CDH11: variants seen among roughly 807,000 people sequenced by gnomAD.
The protein encoded by CDH11 is cadherin-11.
A neutral mutation model predicts 67.8 loss-of-function variants in CDH11; 11 were observed. The observed-to-expected ratio is 0.16, with a 90% CI of 0.10 to 0.27. The LOEUF is 0.27. Ranked by LOEUF, CDH11 falls within the 10% of genes least tolerant of loss-of-function variation. The pLI is 1.00. For synonymous variants in CDH11, 419 were observed against 400.0 expected (o/e 1.05, Z -0.57); for missense variants, 847 against 1,031.2 (o/e 0.82, Z 2.45).
Position 65,103,959 on chromosome 16 carries a change from A to G in CDH11, c.-298+17921T>C, listed in dbSNP as rs867800488. Among the ~76,000 whole-genome samples, 3 of 152,254 alleles carry G rather than the reference A, an allele frequency of 2.0e-5. No homozygotes were observed. The South Asian group carries it at 6.2e-4, about 32-fold the overall frequency. On this transcript the variant is annotated intron_variant, in intron 1 of 12. Transcript: ENST00000268603. ...TTCCCTATTTCCCTTTTACTTTTTT[A>G]ATTTGACTGCTAGAACATTTTAAAC...
In CDH11 at chr16:64,952,599, A is replaced by C. The variant is rs541302043; in HGVS notation, c.1643-1581T>G. On this transcript the variant is annotated intron_variant, in intron 11 of 12. Coordinates refer to ENST00000268603, the MANE Select transcript of CDH11 (RefSeq NM_001797.4). Reference sequence around the variant, plus strand: ...TATTTTCTAGTGGGAAAGCATTGGTATTATAAAACAGTAGAAATTTTTAAT... The same window carrying C: ...TATTTTCTAGTGGGAAAGCATTGGTCTTATAAAACAGTAGAAATTTTTAAT... Among the ~76,000 whole-genome samples, 14 of 152,310 alleles carry C rather than the reference A, an allele frequency of 9.2e-5. No homozygotes were observed. The South Asian group carries it at 1.7e-3, about 18-fold the overall frequency.
At chr16:65,071,626 A>T (rs2074418589) in intron 1 of CDH11, among the ~76,000 whole-genome samples, 1 of 152,168 alleles carries the variant, frequency 6.6e-6, no homozygotes, top group South Asian at 2.1e-4. Context: ...GTCCCCAGAC[A>T]CCACAATCTG....
At chr16:65,078,756 G>A (rs8054252) in intron 1 of CDH11, among the ~76,000 whole-genome samples, 137,499 of 152,114 alleles carry the variant, frequency 0.9, 62,186 homozygotes, top group East Asian at 1. Flanking sequence ...TCCTGGAATC[G>A]GGAACCTAGA....
At chr16:65,085,812 C>G (rs560210238) in intron 1 of CDH11, among the ~76,000 whole-genome samples, 1 of 152,334 alleles carries the variant, frequency 6.6e-6, no homozygotes, top group South Asian at 2.1e-4. Context: ...CAGCAAAGCA[C>G]TTTCATTCAT....
Position 64,943,971 on chromosome 16 carries a change from A to AC in CDH11, c.*3631dup. ...TCATCGATACAAAATAACAAGGGTG[A>AC]CCTGCTTTCCATGGAAAAGGAACGT... On this transcript the variant is annotated 3_prime_UTR_variant, in exon 13 of 13. Coordinates refer to ENST00000268603, the MANE Select transcript of CDH11 (RefSeq NM_001797.4). 1 of 231,790 alleles carries AC rather than the reference A, an allele frequency of 4.3e-6. No individual in the cohort carries two copies. Among genetic ancestry groups the AC allele is most frequent in the East Asian group, 6.1e-5 (1 of 16,428 alleles). The allele number at this position is 231,790 out of a possible 1,614,324, so 14.4% of individuals were successfully genotyped here. A position where few individuals can be genotyped will look rare whatever the true frequency, so the allele number is the denominator to read the frequency against.
At chr16:64,997,751 C>T (rs984395450) in intron 4 of CDH11, among the ~76,000 whole-genome samples, 6 of 152,150 alleles carry the variant, frequency 3.9e-5, no homozygotes, top group Admixed American at 2.0e-4. Context: ...AGGATCTTAG[C>T]GTTCTAGAGT....
In CDH11 at chr16:65,023,115, G is replaced by C. The variant is rs936459298; in HGVS notation, c.-172-18074C>G. ...CCTGAGAGAAGGGGCAACAACAGGG[G>C]TTATAAAGGACTTGGCCAGCCAGGT... On this transcript the variant is annotated intron_variant, in intron 2 of 12. Coordinates refer to ENST00000268603, the MANE Select transcript of CDH11 (RefSeq NM_001797.4). Among the ~76,000 whole-genome samples the C allele has an allele frequency of 4.6e-5, 7 of 152,286 alleles. No homozygotes were observed. The East Asian group carries it at 1.4e-3, about 29-fold the overall frequency.
At chr16:65,107,208 C>T in intron 1 of CDH11, among the ~76,000 whole-genome samples, 1 of 152,172 alleles carries the variant, frequency 6.6e-6, no homozygotes, top group East Asian at 1.9e-4. Flanking sequence ...CAAAGCCCTG[C>T]TCATCCACTT....
At position 64,973,503 on chromosome 16, in the gene CDH11, G is replaced by T. The variant is rs542981373; in HGVS notation, c.1254-463C>A. On this transcript the variant is annotated intron_variant, in intron 8 of 12. Coordinates refer to ENST00000268603, the MANE Select transcript of CDH11 (RefSeq NM_001797.4). ...CATGTATAGACCTAAAAATCAGTTT[G>T]TCTTATTTAAAGAAAAATGCAGCCT... 2.0e-5 allele frequency among the ~76,000 whole-genome samples: 3 copies of T among 152,208 alleles called. No homozygotes were observed. In the South Asian group the frequency reaches 6.2e-4, roughly 32 times the overall value.
chr16:65,009,378 A>C (rs2073129824), intron 2 of CDH11, among the ~76,000 whole-genome samples: 1 of 152,234 alleles, frequency 6.6e-6, no homozygotes, highest in African/African-American at 2.4e-5. Context: ...CATATGACAC[A>C]AAATTTGATC....
chr16:65,047,499 G>C (rs544948791), intron 2 of CDH11, among the ~76,000 whole-genome samples: 2 of 151,670 alleles, frequency 1.3e-5, no homozygotes, highest in African/African-American at 2.4e-5. Context: ...CTACAGGCAC[G>C]CACCACCATG....
At chr16:65,056,922 G>C (rs1424028476) in intron 1 of CDH11, among the ~76,000 whole-genome samples, 1 of 152,058 alleles carries the variant, frequency 6.6e-6, no homozygotes, top group East Asian at 1.9e-4. Flanking sequence ...AATCAAAAAA[G>C]CTTTGGAAGA....
intron 2 of CDH11, among the ~76,000 whole-genome samples, chr16:65,051,220 A>G (rs900443816): frequency 3.3e-5 from 5 of 152,184 alleles, no homozygotes; most frequent in Non-Finnish European, 7.3e-5. Context: ...CAATGAGAGA[A>G]AGAGGTGGGG....
intron 1 of CDH11, among the ~76,000 whole-genome samples, chr16:65,095,404 A>C (rs2074872399): frequency 6.6e-6 from 1 of 152,200 alleles, no homozygotes; most frequent in South Asian, 2.1e-4. Context: ...AATTAGGAAA[A>C]ATATATAGTT....
intron 2 of CDH11, among the ~76,000 whole-genome samples, chr16:65,012,827 A>C (rs943664499): frequency 6.6e-6 from 1 of 152,208 alleles, no homozygotes; most frequent in African/African-American, 2.4e-5. Flanking sequence ...TCAAAGCTAA[A>C]ATAATGTAGC....
rs2075275339 is a variant in CDH11 at position 65,118,187 on chromosome 16, T to C, written c.-298+3693A>G. 2.0e-5 allele frequency among the ~76,000 whole-genome samples: 3 copies of C among 152,232 alleles called. No homozygotes were observed. The South Asian group carries it at 6.2e-4, about 32-fold the overall frequency. ...TGCCCTCTAGTGGCCAGAAGTGCAA[T>C]CTTCCGCGAAGGAGTCCATTTCCAG... On this transcript the variant is annotated intron_variant, in intron 1 of 12. Transcript: ENST00000268603.
At chr16:65,106,271 T>C (rs1333481795) in intron 1 of CDH11, among the ~76,000 whole-genome samples, 1 of 152,184 alleles carries the variant, frequency 6.6e-6, no homozygotes, top group Admixed American at 6.5e-5. Flanking sequence ...GTGAGTTCCT[T>C]CTTGTTAACA....
rs1406781652 is a variant in CDH11 at position 65,121,980 on chromosome 16, AAG to A, written c.-400_-399del. 4.3e-6 allele frequency: 3 copies of A among 700,812 alleles called. No individual in the cohort carries two copies. The highest frequency in any genetic ancestry group is 7.8e-6 in the Non-Finnish European group (3 of 384,056). The allele number at this position is 700,812 out of a possible 1,614,324, so 43.4% of individuals were successfully genotyped here. A position where few individuals can be genotyped will look rare whatever the true frequency, so the allele number is the denominator to read the frequency against. ...CGGCCCCAGTCCCGGTCCCATTCAC[AAG>A]TCAGCGGCGGCTGCGAGCGGCCCCC... On this transcript the variant is annotated 5_prime_UTR_variant, in exon 1 of 13. The change creates a new upstream start codon in the 5' untranslated region. Transcript: ENST00000268603. This position sits in a 1 kb window ranked among gnomAD's most constrained non-coding sequence, Gnocchi z 4.1.
chr16:65,034,724 A>C (rs2073717275), intron 2 of CDH11, among the ~76,000 whole-genome samples: 1 of 152,210 alleles, frequency 6.6e-6, no homozygotes, highest in Non-Finnish European at 1.5e-5. Context: ...CCTAAAGCTT[A>C]ATGGCATTGG....
Sources: allele counts gnomAD v4.1 joint callset (sites outside exome capture counted in the v4.1 genomes callset), GRCh38; gene constraint gnomAD v4.1.1; non-coding constraint Gnocchi (gnomAD v3.1); transcripts MANE v1.5; gene names NCBI Gene and HGNC (gene_info 2026-07-23, HGNC 2026-07-21).